PARD3B: variants seen among roughly 807,000 people sequenced by gnomAD.
PARD3B encodes the protein par-3 family cell polarity regulator beta.
A neutral mutation model predicts 130.2 loss-of-function variants in PARD3B; 103 were observed. That is an observed-to-expected ratio of 0.79 (90% CI 0.67 to 0.93). The LOEUF (loss-of-function observed/expected upper bound fraction) is 0.93, where lower values mean the gene tolerates loss of function less well. Among genes scored for constraint, PARD3B ranks in the 40% least tolerant of loss-of-function variants. The pLI, the probability that PARD3B is intolerant of heterozygous loss-of-function variation, is 0.00. For synonymous variants in PARD3B, 583 were observed against 553.2 expected (o/e 1.05, Z -0.76); for missense variants, 1,609 against 1,499.2 (o/e 1.07, Z -1.21).
chr2:205,370,877 G>T (rs536931007), intron 18 of PARD3B, among the ~76,000 whole-genome samples: 1 of 152,272 alleles, frequency 6.6e-6, no homozygotes, highest in African/African-American at 2.4e-5. Context: ...AACTGTCTGT[G>T]TGTGGTTTGT....
At chr2:205,390,693 C>T (rs1574896916) in intron 18 of PARD3B, among the ~76,000 whole-genome samples, 2 of 152,068 alleles carry the variant, frequency 1.3e-5, no homozygotes, top group South Asian at 2.1e-4. Context: ...ATTCAGGATT[C>T]CTGTTAAAAT....
Position 205,530,531 on chromosome 2 carries a change from G to A in PARD3B, c.3181-22793G>A, listed in dbSNP as rs146092923. ...TCCAGAATACAGCGTGCTCTGGTTA[G>A]TACAATAGCTAAGGGTTCAGAATCT... On this transcript the variant is annotated intron_variant, in intron 21 of 22. Transcript: ENST00000406610. The surrounding 1 kb of genome is among the most constrained non-coding windows in gnomAD (Gnocchi z 4.7). Among the ~76,000 whole-genome samples, 12 of 152,222 alleles carry A rather than the reference G, an allele frequency of 7.9e-5. No individual in the cohort carries two copies. The East Asian group carries it at 2.3e-3, about 29-fold the overall frequency.
chr2:205,417,738 A>C lies in PARD3B; in HGVS notation c.2741+16615A>C, dbSNP rs13403461. On this transcript the variant is annotated intron_variant, in intron 19 of 22. Coordinates refer to ENST00000406610, the MANE Select transcript of PARD3B (RefSeq NM_001302769.2). The stretch of plus-strand genomic sequence containing the variant: ...AGGCTAGAGCCTTCCTTGCAAGATC[A>C]ATCCAGCCCCCTTAACCTTTCACTG... 8.9e-3 allele frequency among the ~76,000 whole-genome samples: 1,357 copies of C among 152,344 alleles called. 26 individuals are homozygous for C. Among genetic ancestry groups the C allele is most frequent in the African/African-American group, 0.03 (1,237 of 41,582 alleles).
chr2:205,526,819 T>C (rs1481264589), intron 21 of PARD3B, among the ~76,000 whole-genome samples: 1 of 152,212 alleles, frequency 6.6e-6, no homozygotes, highest in Non-Finnish European at 1.5e-5. Context: ...TTATTGCCTT[T>C]ATTTTGCTGT....
At chr2:205,500,962 A>G (rs1164428162) in intron 21 of PARD3B, among the ~76,000 whole-genome samples, 1 of 152,004 alleles carries the variant, frequency 6.6e-6, no homozygotes, top group East Asian at 1.9e-4. Flanking sequence ...CATGAAAGAC[A>G]CCGGCTCCTT....
At chr2:205,429,190 A>G (rs576821453) in intron 19 of PARD3B, among the ~76,000 whole-genome samples, 30 of 152,216 alleles carry the variant, frequency 2.0e-4, no homozygotes, top group Non-Finnish European at 3.2e-4. Context: ...ATAAAAAACC[A>G]TAAGTTTATA....
At chr2:205,193,388 C>G in intron 15 of PARD3B, 68 bp downstream of exon 15, 3 of 1,259,622 alleles carry the variant, frequency 2.4e-6, no homozygotes, top group Non-Finnish European at 3.5e-6. Flanking sequence ...CCCAAATGTC[C>G]TGGTTTTGTT....
chr2:205,015,116 T>A lies in PARD3B; in HGVS notation c.395-32465T>A, dbSNP rs1010053944. 1.3e-5 allele frequency among the ~76,000 whole-genome samples: 2 copies of A among 152,174 alleles called. No homozygotes were observed. The highest frequency in any genetic ancestry group is 3.9e-4 in the East Asian group (2 of 5,194). On this transcript the variant is annotated intron_variant, in intron 3 of 22. Transcript: ENST00000406610. This position sits in a 1 kb window ranked among gnomAD's most constrained non-coding sequence, Gnocchi z 4.5. ...TTGACCAGAAGCCTTACCAATAACA[T>A]AAACAGTTGATTAACACCTATTTTG...
At chr2:204,615,854 A>G (rs2034093151) in intron 1 of PARD3B, among the ~76,000 whole-genome samples, 2 of 152,178 alleles carry the variant, frequency 1.3e-5, no homozygotes, top group African/African-American at 2.4e-5. Context: ...TTATAGGTAC[A>G]CTTCATTTTA....
chr2:205,023,403 C>A (rs948395875), intron 3 of PARD3B, among the ~76,000 whole-genome samples: 14 of 150,428 alleles, frequency 9.3e-5, no homozygotes, highest in South Asian at 2.1e-4. Flanking sequence ...TGAGGAGTTG[C>A]CTCTGGTAAC....
intron 3 of PARD3B, among the ~76,000 whole-genome samples, chr2:204,981,308 A>G (rs1692648544): frequency 6.6e-6 from 1 of 152,230 alleles, no homozygotes; most frequent in Non-Finnish European, 1.5e-5. Flanking sequence ...CTCAAATTGG[A>G]AACAACCTAA....
intron 18 of PARD3B, among the ~76,000 whole-genome samples, chr2:205,304,089 T>C (rs2336416): frequency 0.6 from 91,059 of 152,044 alleles, 29,235 homozygotes; most frequent in South Asian, 0.75. Context: ...CTGAAATTTC[T>C]ACATAGAAAA....
chr2:205,225,764 T>C (rs192006234), intron 15 of PARD3B, among the ~76,000 whole-genome samples: 1 of 152,136 alleles, frequency 6.6e-6, no homozygotes. Flanking sequence ...TCAGATCTCA[T>C]GAGAGCTCAC....
chr2:204,727,423 G>A (rs1057258556), intron 2 of PARD3B, among the ~76,000 whole-genome samples: 4 of 152,182 alleles, frequency 2.6e-5, no homozygotes, highest in African/African-American at 9.6e-5. Context: ...GATAGGTCCA[G>A]TATTTTCAGT....
At chr2:204,640,339 C>T (rs1319533897) in intron 1 of PARD3B, among the ~76,000 whole-genome samples, 3 of 152,190 alleles carry the variant, frequency 2.0e-5, no homozygotes, top group East Asian at 1.9e-4. Context: ...GAGGCATCAG[C>T]AGGTTCCCTT....
In PARD3B at chr2:204,893,929, GAAAT is replaced by G. The variant is rs377226200; in HGVS notation, c.223-71222_223-71219del. Among the ~76,000 whole-genome samples the G allele has an allele frequency of 5.3e-5, 8 of 152,066 alleles. No homozygotes were observed. The East Asian group carries it at 1.5e-3, about 29-fold the overall frequency. On this transcript the variant is annotated intron_variant, in intron 2 of 22. Coordinates refer to ENST00000406610, the MANE Select transcript of PARD3B (RefSeq NM_001302769.2). ...ATAAAAGTTTATGCAAAATGAATGA[GAAAT>G]TAATTAAGGCTCTGTAATTTGTTCC...
intron 2 of PARD3B, among the ~76,000 whole-genome samples, chr2:204,938,986 C>A (rs911919881): frequency 6.6e-6 from 1 of 152,122 alleles, no homozygotes; most frequent in Non-Finnish European, 1.5e-5. Context: ...AGCTCCAGGA[C>A]TATTCCATAT....
intron 18 of PARD3B, among the ~76,000 whole-genome samples, chr2:205,359,645 T>C (rs1035766072): frequency 5.3e-5 from 8 of 152,242 alleles, no homozygotes; most frequent in African/African-American, 1.9e-4. Flanking sequence ...TGTGTAGATA[T>C]ATGTAATTCA....
At chr2:204,864,817 G>T (rs1227684480) in intron 2 of PARD3B, among the ~76,000 whole-genome samples, 2 of 152,114 alleles carry the variant, frequency 1.3e-5, no homozygotes, top group Admixed American at 6.5e-5. Context: ...GTAAGTGAGT[G>T]CTTTGATAGA....
Sources: gnomAD v4.1 joint callset for allele counts (sites outside exome capture counted in the v4.1 genomes callset) on GRCh38, gnomAD v4.1.1 for gene constraint, Gnocchi (gnomAD v3.1) non-coding constraint, MANE v1.5 for transcripts, NCBI Gene and HGNC (gene_info 2026-07-23, HGNC 2026-07-21) for gene names.